TMEM87A: variants seen among roughly 807,000 people sequenced by gnomAD.
TMEM87A encodes the protein transmembrane protein 87A.
In TMEM87A, 50 loss-of-function variants were observed where a neutral mutation model predicts 90.0. The ratio of observed to expected loss-of-function variants is 0.56; its 90% CI spans 0.44 to 0.70. The LOEUF is 0.70. TMEM87A is among the 30% of genes least tolerant of loss of function. The pLI is 0.00. For missense variants in TMEM87A, 577 were observed against 660.5 expected (o/e 0.87, Z 1.39); for synonymous variants, 226 against 226.7 (o/e 1.00, Z 0.03).
In TMEM87A at chr15:42,228,207, C is replaced by A. The variant is rs1231411747; in HGVS notation, c.1241-438G>T. Among the ~76,000 whole-genome samples the A allele has an allele frequency of 2.6e-5, 4 of 152,154 alleles. No individual in the cohort carries two copies. In the East Asian group the frequency reaches 7.7e-4, roughly 29 times the overall value. On this transcript the variant is annotated intron_variant, in intron 13 of 19. Transcript: ENST00000389834. ...GTAACACAAACAGAAGAGCTAGTTC[C>A]AATCATAAATCAGACCTCACTATTC...
intron 6 of TMEM87A, among the ~76,000 whole-genome samples, 184 bp from the exon 7 acceptor site, chr15:42,244,351 T>C (rs1216482108): frequency 6.6e-6 from 1 of 152,126 alleles, no homozygotes; most frequent in Non-Finnish European, 1.5e-5. Context: ...GGCTAGATTA[T>C]GAATTACTGA....
intron 18 of TMEM87A, 53 bp from the exon 19 acceptor site, chr15:42,217,886 G>A: frequency 6.4e-7 from 1 of 1,559,660 alleles, no homozygotes. Context: ...AGCCATAAAT[G>A]GTTCATAAAA....
At chr15:42,212,300 A>C (rs974019086) in intron 19 of TMEM87A, among the ~76,000 whole-genome samples, 4 of 152,122 alleles carry the variant, frequency 2.6e-5, no homozygotes, top group African/African-American at 9.7e-5. Context: ...CTTCTTAGGC[A>C]ATTTTATACC....
intron 16 of TMEM87A, 57 bp from the exon 17 acceptor site, chr15:42,219,699 G>A (rs2050439918): frequency 1.7e-6 from 2 of 1,189,360 alleles, no homozygotes; most frequent in African/African-American, 3.2e-5. Context: ...AACAATGTTG[G>A]CAAAACGGAT....
In TMEM87A at chr15:42,231,075, C is replaced by T; in HGVS notation, c.1131+117G>A. The T allele has an allele frequency of 4.5e-6, 4 of 891,334 alleles. No homozygotes were observed. In the South Asian group the frequency reaches 6.7e-5, roughly 15 times the overall value. 55.2% of individuals were successfully genotyped at this position (891,334 alleles called of 1,614,324 possible). A position where few individuals can be genotyped will look rare whatever the true frequency, so the allele number is the denominator to read the frequency against. On this transcript the variant is annotated intron_variant, in intron 12 of 19. Coordinates refer to ENST00000389834, the MANE Select transcript of TMEM87A (RefSeq NM_015497.5). The stretch of plus-strand genomic sequence containing the variant: ...TTGTTAAGACTTAGCATGCACTGTT[C>T]CCCACACTAAGGAGTAATTAACAAA...
Position 42,273,385 on chromosome 15 carries a change from G to A in TMEM87A, c.14C>T (p.Ala5Val). 1 of 1,614,022 alleles carries A rather than the reference G, an allele frequency of 6.2e-7. No homozygotes were observed. Among genetic ancestry groups the A allele is most frequent in the African/African-American group, 1.3e-5 (1 of 75,060 alleles). The change falls in exon 1 of 20, where the codon GCG becomes GTG. Residue 5 changes from alanine (A) to valine (V), a missense_variant. By Grantham distance (64) the Ala-to-Val change is moderately conservative (BLOSUM62 0). Coordinates refer to ENST00000389834, the MANE Select transcript of TMEM87A (RefSeq NM_015497.5). ...AATGACAGGCAACACCTGAAGCCAC[G>A]CAGCCGCCGCCATCTTCACAGCCGT... MAAA[A>V]WLQVLPVILL...
chr15:42,268,756 T>A (rs947408898), intron 2 of TMEM87A, among the ~76,000 whole-genome samples: 2 of 151,360 alleles, frequency 1.3e-5, no homozygotes, highest in South Asian at 2.1e-4. Context: ...GGGAAACGAG[T>A]GGAAACAAAT....
chr15:42,236,757 C>T (rs1365693520), intron 9 of TMEM87A, among the ~76,000 whole-genome samples: 1 of 152,176 alleles, frequency 6.6e-6, no homozygotes, highest in Non-Finnish European at 1.5e-5. Context: ...AATACAGCTA[C>T]ACATAGAAAA....
rs138386750 is a variant in TMEM87A at position 42,270,848 on chromosome 15, G to A, written c.205+1215C>T. On this transcript the variant is annotated intron_variant, in intron 2 of 19. Coordinates refer to ENST00000389834, the MANE Select transcript of TMEM87A (RefSeq NM_015497.5). ...ATGGATACAGTATATATTCTTCAGA[G>A]AAATTCTACCTGCTGTTTTCACTCC... Among the ~76,000 whole-genome samples, 20 of 152,286 alleles carry A rather than the reference G, an allele frequency of 1.3e-4. No homozygotes were observed. In the East Asian group the frequency reaches 3.9e-3, roughly 29 times the overall value.
intron 6 of TMEM87A, among the ~76,000 whole-genome samples, chr15:42,252,974 T>C (rs2051113123): frequency 1.3e-5 from 2 of 152,234 alleles, no homozygotes; most frequent in Non-Finnish European, 2.9e-5. Context: ...TCTCTTTTGC[T>C]TAGTAAGTTT....
At chr15:42,241,507 A>C (rs578055355) in intron 7 of TMEM87A, among the ~76,000 whole-genome samples, 2 of 152,354 alleles carry the variant, frequency 1.3e-5, no homozygotes, top group East Asian at 3.9e-4. Context: ...GTGTTTTGAC[A>C]TAAGGCAGCA....
At chr15:42,265,011 G>A (rs895067823) in intron 3 of TMEM87A, among the ~76,000 whole-genome samples, 1 of 151,984 alleles carries the variant, frequency 6.6e-6, no homozygotes, top group Admixed American at 6.6e-5. Context: ...CTCCTTCTGT[G>A]TTCTTGCAAA....
chr15:42,213,486 G>C (rs1048257030), intron 19 of TMEM87A, among the ~76,000 whole-genome samples: 1 of 152,224 alleles, frequency 6.6e-6, no homozygotes, highest in Non-Finnish European at 1.5e-5. Flanking sequence ...GGTTTCTGTA[G>C]GGAATGGTTT....
At chr15:42,256,450 G>A (rs918796343) in intron 6 of TMEM87A, among the ~76,000 whole-genome samples, 2 of 152,142 alleles carry the variant, frequency 1.3e-5, no homozygotes, top group Admixed American at 1.3e-4. Context: ...TCTTTAAATA[G>A]GATTATAAGG....
rs578220746 is a variant in TMEM87A, at chr15:42,273,410, T to G, written c.-12A>C. 8.1e-6 allele frequency: 13 copies of G among 1,613,646 alleles called. No homozygotes were observed. In the African/African-American group the frequency reaches 1.7e-4, roughly 22 times the overall value. ...GCAGCCGCCGCCATCTTCACAGCCGTGGAGTGCCTACCGAAAGCATTTCAC... is the reference window on the plus strand; with the variant it reads ...GCAGCCGCCGCCATCTTCACAGCCGGGGAGTGCCTACCGAAAGCATTTCAC... On this transcript the variant is annotated 5_prime_UTR_variant, in exon 1 of 20. Transcript: ENST00000389834.
At chr15:42,242,549 G>A (rs2050891322) in intron 7 of TMEM87A, among the ~76,000 whole-genome samples, 2 of 151,766 alleles carry the variant, frequency 1.3e-5, no homozygotes, top group South Asian at 4.2e-4. Flanking sequence ...GAGAGGGAGG[G>A]AGGGAGGAGA....
Position 42,261,259 on chromosome 15 carries a change from A to C in TMEM87A, c.406-10T>G. 2 of 1,611,338 alleles carry C rather than the reference A, an allele frequency of 1.2e-6. No individual in the cohort carries two copies. Among genetic ancestry groups the C allele is most frequent in the South Asian group, 2.2e-5 (2 of 90,680 alleles). On this transcript the variant is annotated splice_polypyrimidine_tract_variant and intron_variant, in intron 4 of 19. Transcript: ENST00000389834. ...AATCTCCAGAAAAGGTCTATAAAAG[A>C]AACACAAAACAAAACATTAAAGGTG...
At chr15:42,261,820 G>T (rs187293438) in intron 4 of TMEM87A, among the ~76,000 whole-genome samples, 4 of 151,992 alleles carry the variant, frequency 2.6e-5, no homozygotes, top group African/African-American at 4.8e-5. Flanking sequence ...ATTTTTAGTA[G>T]AGACAGGGTT....
chr15:42,251,598 C>T (rs1265518001), intron 6 of TMEM87A, among the ~76,000 whole-genome samples: 1 of 152,128 alleles, frequency 6.6e-6, no homozygotes, highest in Non-Finnish European at 1.5e-5. Flanking sequence ...AATATTGTTG[C>T]CTGATCCTTC....
Sources: gnomAD v4.1 joint callset for allele counts (sites outside exome capture counted in the v4.1 genomes callset) on GRCh38, gnomAD v4.1.1 for gene constraint, MANE v1.5 for transcripts, NCBI Gene and HGNC (gene_info 2026-07-23, HGNC 2026-07-21) for gene names.